The following CREB5 variants were observed in gnomAD, a reference collection of about 807,000 sequenced individuals.
The protein encoded by CREB5 is cAMP responsive element binding protein 5, also known as cyclic AMP-responsive element-binding protein 5.
In CREB5, 19 loss-of-function variants were observed where a neutral mutation model predicts 57.1. That is an observed-to-expected ratio of 0.33 (90% CI 0.23 to 0.49). CREB5 has a LOEUF of 0.49. Among genes scored for constraint, CREB5 ranks in the 20% least tolerant of loss-of-function variants. The pLI is 0.99. For synonymous variants in CREB5, 238 were observed against 238.3 expected, an observed-to-expected ratio of 1.00 and a Z score of 0.01; for missense variants, 579 against 671.6, an observed-to-expected ratio of 0.86 and a Z score of 1.52.
intron 1 of CREB5, among the ~76,000 whole-genome samples, chr7:28,482,592 T>C (rs889394154): frequency 6.6e-6 from 1 of 152,220 alleles, no homozygotes; most frequent in Non-Finnish European, 1.5e-5. Context: ...TGAGGTCTCA[T>C]AAGCTCAACA....
At chr7:28,330,401 C>CTTTTTTTTTTTTTTTTTTTT (rs10699932) in intron 1 of CREB5, among the ~76,000 whole-genome samples, 11 of 88,530 alleles carry the variant, frequency 1.2e-4, no homozygotes, top group Admixed American at 5.2e-4. Flanking sequence ...GAGAACCTTA[C>CTTTTTTTTTTTTTTTTTTTT]TTTTTTTTTT....
At chr7:28,341,938 G>GACAGTT (rs1785945094) in intron 1 of CREB5, among the ~76,000 whole-genome samples, 1 of 152,208 alleles carries the variant, frequency 6.6e-6, no homozygotes. Flanking sequence ...GATATTGATG[G>GACAGTT]ACAGTTATAA....
intron 7 of CREB5, among the ~76,000 whole-genome samples, chr7:28,753,379 TACACACAC>T (rs140459249): frequency 1.3e-5 from 2 of 151,306 alleles, no homozygotes; most frequent in Non-Finnish European, 3.0e-5. Flanking sequence ...CGTGCATGCA[TACACACAC>T]ACACACACTC....
rs1804569059 is a variant in CREB5 at position 28,744,335 on chromosome 7, TA to T, written c.702+20004del. Among the ~76,000 whole-genome samples, 3 of 147,244 alleles carry T rather than the reference TA, an allele frequency of 2.0e-5. No homozygotes were observed. In the South Asian group the frequency reaches 6.5e-4, roughly 32 times the overall value. On this transcript the variant is annotated intron_variant, in intron 7 of 10. Coordinates refer to ENST00000357727, the MANE Select transcript of CREB5 (RefSeq NM_182898.4). ...ATATGACCTCTCATTTTACCTTTAG[TA>T]CCTCTTTTTTTTTTTTTTTTTTTTT...
At chr7:28,624,676 GAAA>G (rs56161206) in intron 5 of CREB5, among the ~76,000 whole-genome samples, 1 of 130,146 alleles carries the variant, frequency 7.7e-6, no homozygotes, top group Non-Finnish European at 1.6e-5. Flanking sequence ...CAACAGACGT[GAAA>G]AAAAAAAAAA....
chr7:28,810,913 T>C (rs1045137694), intron 9 of CREB5, among the ~76,000 whole-genome samples: 2 of 152,200 alleles, frequency 1.3e-5, no homozygotes, highest in Non-Finnish European at 2.9e-5. Flanking sequence ...GGCCTGAATT[T>C]CATAATTTAT....
intron 7 of CREB5, among the ~76,000 whole-genome samples, chr7:28,753,387 C>T (rs1805095253): frequency 6.6e-6 from 1 of 152,182 alleles, no homozygotes; most frequent in African/African-American, 2.4e-5. Flanking sequence ...CATACACACA[C>T]ACACACACTC....
At chr7:28,402,191 T>A (rs976317229) in intron 1 of CREB5, among the ~76,000 whole-genome samples, 1 of 152,270 alleles carries the variant, frequency 6.6e-6, no homozygotes, top group Non-Finnish European at 1.5e-5. Context: ...AATGTGTCTG[T>A]TGGCTGCATA....
At chr7:28,349,619 T>C (rs1786149581) in intron 1 of CREB5, among the ~76,000 whole-genome samples, 1 of 152,166 alleles carries the variant, frequency 6.6e-6, no homozygotes, top group African/African-American at 2.4e-5. Flanking sequence ...CATCGGCCCA[T>C]ACAACTTAAG....
intron 1 of CREB5, among the ~76,000 whole-genome samples, chr7:28,392,282 TA>T (rs1405297704): frequency 6.6e-6 from 1 of 152,044 alleles, no homozygotes; most frequent in Non-Finnish European, 1.5e-5. Context: ...AATAAAAGTT[TA>T]AAAAAATAAA....
chr7:28,356,563 C>T (rs1439751687), intron 1 of CREB5, among the ~76,000 whole-genome samples: 2 of 152,196 alleles, frequency 1.3e-5, no homozygotes, highest in Non-Finnish European at 2.9e-5. Context: ...ATAACCTACC[C>T]TCACCTGTTG....
chr7:28,457,294 G>A (rs1004786404), intron 1 of CREB5, among the ~76,000 whole-genome samples: 1 of 152,082 alleles, frequency 6.6e-6, no homozygotes, highest in Non-Finnish European at 1.5e-5. Context: ...CAGCACCCGC[G>A]ATTATGAATT....
chr7:28,728,089 G>C (rs889350806), intron 7 of CREB5, among the ~76,000 whole-genome samples: 1 of 152,086 alleles, frequency 6.6e-6, no homozygotes, highest in Middle Eastern at 3.2e-3. Context: ...ACGATTACAA[G>C]TGTGCACCTA....
At chr7:28,701,647 G>C (rs1801866310) in intron 5 of CREB5, among the ~76,000 whole-genome samples, 1 of 152,116 alleles carries the variant, frequency 6.6e-6, no homozygotes, top group Non-Finnish European at 1.5e-5. Context: ...AAATTACCTA[G>C]TCAGAAGGAC....
chr7:28,451,278 T>C (rs1451304224), intron 1 of CREB5, among the ~76,000 whole-genome samples: 1 of 152,212 alleles, frequency 6.6e-6, no homozygotes, highest in Non-Finnish European at 1.5e-5. Flanking sequence ...TCTATACTAG[T>C]GGCTGGCATC....
intron 1 of CREB5, among the ~76,000 whole-genome samples, chr7:28,308,148 G>C (rs1307791752): frequency 6.6e-6 from 1 of 152,198 alleles, no homozygotes; most frequent in African/African-American, 2.4e-5. Flanking sequence ...ATAAGAACAT[G>C]AGTCCGTTTC....
chr7:28,671,804 C>T (rs1800051946), intron 5 of CREB5, among the ~76,000 whole-genome samples: 1 of 152,090 alleles, frequency 6.6e-6, no homozygotes, highest in African/African-American at 2.4e-5. Context: ...ATTTTTGTTT[C>T]CTCAACTGTA....
intron 7 of CREB5, chr7:28,726,581 T>C (rs1028175504): frequency 1.3e-5 from 2 of 152,206 alleles, no homozygotes; most frequent in Admixed American, 1.3e-4. Context: ...CAGGTTTCTC[T>C]GAACTATGGG....
At chr7:28,497,075 A>G (rs1406570387) in intron 3 of CREB5, among the ~76,000 whole-genome samples, 5 of 152,194 alleles carry the variant, frequency 3.3e-5, no homozygotes, top group Admixed American at 1.3e-4. Flanking sequence ...TTTTTCCCAA[A>G]TTGGATCCCT....
Sources: allele counts gnomAD v4.1 joint callset (sites outside exome capture counted in the v4.1 genomes callset), GRCh38; gene constraint gnomAD v4.1.1; transcripts MANE v1.5; gene names NCBI Gene and HGNC (gene_info 2026-07-23, HGNC 2026-07-21).